DLGAP2: variants seen among roughly 807,000 people sequenced by gnomAD.
DLGAP2 encodes DLG associated protein 2, also known as disks large-associated protein 2.
A neutral mutation model predicts 100.3 loss-of-function variants in DLGAP2; 26 were observed. The observed-to-expected ratio is 0.26, with a 90% confidence interval of 0.19 to 0.36. The LOEUF (loss-of-function observed/expected upper bound fraction) is 0.36, where lower values mean the gene tolerates loss of function less well. Ranked by LOEUF, DLGAP2 falls within the 10% of genes least tolerant of loss-of-function variation. The pLI is 1.00. For synonymous variants in DLGAP2, 886 were observed against 630.1 expected, an observed-to-expected ratio of 1.41 and a Z score of -6.08; for missense variants, 1,858 against 1,453.2, an observed-to-expected ratio of 1.28 and a Z score of -4.53.
chr8:1,127,034 A>C (rs1163353280), intron 2 of DLGAP2, among the ~76,000 whole-genome samples: 1 of 148,908 alleles, frequency 6.7e-6, no homozygotes, highest in African/African-American at 2.5e-5. Flanking sequence ...TCCCCAGCCC[A>C]GCTCTTAAAC....
chr8:1,378,981 A>G (rs1032638082), intron 3 of DLGAP2, among the ~76,000 whole-genome samples: 5 of 152,194 alleles, frequency 3.3e-5, no homozygotes, highest in African/African-American at 1.2e-4. Flanking sequence ...AGGGTCCACC[A>G]CAGCATGTGT....
chr8:1,027,367 C>G (rs1049715816), intron 2 of DLGAP2, among the ~76,000 whole-genome samples: 12 of 151,470 alleles, frequency 7.9e-5, no homozygotes, highest in African/African-American at 2.7e-4. Context: ...GCCCGTTATT[C>G]TCCAGGTGGG....
At chr8:996,908 C>G (rs971043449) in intron 2 of DLGAP2, among the ~76,000 whole-genome samples, 1 of 152,220 alleles carries the variant, frequency 6.6e-6, no homozygotes, top group African/African-American at 2.4e-5. Flanking sequence ...ACAAGTCACA[C>G]TGTGACTCAC....
intron 2 of DLGAP2, among the ~76,000 whole-genome samples, chr8:985,176 C>G (rs1375334695): frequency 6.6e-6 from 1 of 152,174 alleles, no homozygotes; most frequent in Non-Finnish European, 1.5e-5. Context: ...CAGGTTACAG[C>G]CTGATCCAGA....
In DLGAP2 at chr8:752,457, A is replaced by G. The variant is rs1202692599; in HGVS notation, c.18+14632A>G. 2.6e-5 allele frequency among the ~76,000 whole-genome samples: 4 copies of G among 152,132 alleles called. No individual in the cohort carries two copies. In the East Asian group the frequency reaches 7.7e-4, roughly 29 times the overall value. ...TCAGGCAAGAAGCACAGATGTGCCA[A>G]TCTCGGTCGTGCCGCCAGGCAGAGG... On this transcript the variant is annotated intron_variant, in intron 1 of 14. Coordinates refer to ENST00000637795, the MANE Select transcript of DLGAP2 (RefSeq NM_001346810.2).
rs77733115 is a variant in DLGAP2 at position 1,432,433 on chromosome 8, G to C, written c.107-68933G>C. 5.6e-4 allele frequency among the ~76,000 whole-genome samples: 86 copies of C among 152,312 alleles called. 1 individual carries two copies. In the East Asian group the frequency reaches 0.016, roughly 28 times the overall value. ...GATTAGCCCAACCAAGGAAGCCACA[G>C]TCCTGTCTAAATGTTTATTTGTCAT... is the stretch of plus-strand genomic sequence containing the variant. On this transcript the variant is annotated intron_variant, in intron 3 of 14. Coordinates refer to ENST00000637795, the MANE Select transcript of DLGAP2 (RefSeq NM_001346810.2).
Position 1,324,430 on chromosome 8 carries a change from C to T in DLGAP2, c.106+65547C>T, listed in dbSNP as rs148728663. Among the ~76,000 whole-genome samples, 652 of 152,312 alleles carry T rather than the reference C, an allele frequency of 4.3e-3. 5 individuals carry two copies. Among genetic ancestry groups the T allele is most frequent in the Non-Finnish European group, 6.6e-3 (452 of 68,028 alleles). On this transcript the variant is annotated intron_variant, in intron 3 of 14. Coordinates refer to ENST00000637795, the MANE Select transcript of DLGAP2 (RefSeq NM_001346810.2). ...GGCCTTTATAAAATGCACATGATTTCGTCTGCGTTACTGTCTGAAATTCTT... is the reference window on the plus strand; with the variant it reads ...GGCCTTTATAAAATGCACATGATTTTGTCTGCGTTACTGTCTGAAATTCTT...
intron 4 of DLGAP2, among the ~76,000 whole-genome samples, chr8:1,540,535 G>T (rs1026453749): frequency 6.0e-5 from 9 of 150,976 alleles, no homozygotes; most frequent in African/African-American, 2.2e-4. Context: ...CATGAGAAAA[G>T]AAAAAAAAAC....
At chr8:1,372,353 C>T (rs1802261356) in intron 3 of DLGAP2, among the ~76,000 whole-genome samples, 1 of 152,180 alleles carries the variant, frequency 6.6e-6, no homozygotes, top group Non-Finnish European at 1.5e-5. Flanking sequence ...TAATGTGCTT[C>T]CAACACTTAC....
At chr8:795,860 GTGAGAGCAGGCGTCCA>G (rs1796020663) in intron 1 of DLGAP2, among the ~76,000 whole-genome samples, 1 of 135,484 alleles carries the variant, frequency 7.4e-6, no homozygotes, top group African/African-American at 2.7e-5. Context: ...CAGGCGTCCA[GTGAGAGCAGGCGTCCA>G]GTGAGAGCAG....
chr8:782,193 A>T (rs77193212), intron 1 of DLGAP2, among the ~76,000 whole-genome samples: 1 of 152,016 alleles, frequency 6.6e-6, no homozygotes, highest in South Asian at 2.1e-4. Context: ...CACATTTATT[A>T]TGTTTCAATA....
At chr8:1,614,374 C>T (rs986942317) in intron 6 of DLGAP2, among the ~76,000 whole-genome samples, 1 of 152,226 alleles carries the variant, frequency 6.6e-6, no homozygotes, top group Non-Finnish European at 1.5e-5. Context: ...TTGGCAGAGA[C>T]CTCACAGTCA....
At chr8:965,232 G>A (rs1277770751) in intron 2 of DLGAP2, among the ~76,000 whole-genome samples, 2 of 131,228 alleles carry the variant, frequency 1.5e-5, no homozygotes, top group Non-Finnish European at 3.2e-5. Context: ...CACTGCACAC[G>A]GCACTGTTCA....
intron 2 of DLGAP2, among the ~76,000 whole-genome samples, chr8:1,160,083 A>C (rs899709191): frequency 6.6e-6 from 1 of 152,222 alleles, no homozygotes; most frequent in African/African-American, 2.4e-5. Context: ...CGGAACTTCC[A>C]TCTCCCACAG....
chr8:1,130,299 G>C (rs749729468), intron 2 of DLGAP2, among the ~76,000 whole-genome samples: 7 of 152,002 alleles, frequency 4.6e-5, no homozygotes, highest in Non-Finnish European at 1.0e-4. Flanking sequence ...TTAGTGTTCT[G>C]TTTTTTGGTA....
chr8:1,503,246 C>G (rs1799786947), intron 4 of DLGAP2, among the ~76,000 whole-genome samples: 1 of 152,136 alleles, frequency 6.6e-6, no homozygotes. Flanking sequence ...ACTTTTTCCT[C>G]TTCTGCAAGT....
intron 3 of DLGAP2, among the ~76,000 whole-genome samples, chr8:1,345,697 G>T (rs186849103): frequency 6.6e-6 from 1 of 152,188 alleles, no homozygotes; most frequent in Non-Finnish European, 1.5e-5. Context: ...ATGCACAGAG[G>T]GTGGTGAAGG....
At chr8:1,163,997 C>G (rs890792604) in intron 2 of DLGAP2, among the ~76,000 whole-genome samples, 1 of 152,228 alleles carries the variant, frequency 6.6e-6, no homozygotes, top group Non-Finnish European at 1.5e-5. Flanking sequence ...ACTCAGTGTT[C>G]AGGGTTTTTC....
chr8:1,177,411 G>A (rs1415839874), intron 2 of DLGAP2, among the ~76,000 whole-genome samples: 1 of 152,024 alleles, frequency 6.6e-6, no homozygotes, highest in Non-Finnish European at 1.5e-5. Flanking sequence ...GCCATCTGTT[G>A]TCAGGAGGCC....
Sources: gnomAD v4.1 joint callset for allele counts (sites outside exome capture counted in the v4.1 genomes callset) on GRCh38, gnomAD v4.1.1 for gene constraint, MANE v1.5 for transcripts, NCBI Gene and HGNC (gene_info 2026-07-23, HGNC 2026-07-21) for gene names.